The following RCAN3 variants were observed in gnomAD, a reference collection of about 807,000 sequenced individuals.
RCAN3 encodes the protein calcipressin-3.
In RCAN3, 19 loss-of-function variants were observed where a neutral mutation model predicts 21.9. The ratio of observed to expected loss-of-function variants is 0.87; its 90% CI spans 0.61 to 1.27. RCAN3 has a LOEUF of 1.27. Among genes scored for constraint, RCAN3 ranks in the 50% most tolerant of loss-of-function variants. RCAN3 has a pLI of 0.00. For missense variants in RCAN3, 240 were observed against 300.1 expected (o/e 0.80, Z 1.48); for synonymous variants, 114 against 112.3 (o/e 1.01, Z -0.09).
intron 2 of RCAN3, among the ~76,000 whole-genome samples, chr1:24,523,230 A>C (rs1325862545): frequency 1.3e-5 from 2 of 151,826 alleles, no homozygotes; most frequent in African/African-American, 2.4e-5. Context: ...CGCCCGGCTA[A>C]TTTTTTGTAT....
intron 1 of RCAN3, among the ~76,000 whole-genome samples, chr1:24,503,835 A>G (rs1647255574): frequency 6.6e-6 from 1 of 152,272 alleles, no homozygotes; most frequent in African/African-American, 2.4e-5. Context: ...GTTGGAAGCC[A>G]CCAAGTACAC....
intron 2 of RCAN3, among the ~76,000 whole-genome samples, chr1:24,523,648 A>ATTTT (rs1553151346): frequency 1.4e-5 from 2 of 139,706 alleles, no homozygotes; most frequent in African/African-American, 3.1e-5. Context: ...ACACATATAT[A>ATTTT]TTTTTTTTCT....
intron 1 of RCAN3, among the ~76,000 whole-genome samples, chr1:24,506,737 G>T (rs567674200): frequency 6.7e-6 from 1 of 149,928 alleles, no homozygotes; most frequent in South Asian, 2.1e-4. Flanking sequence ...AACAGGAAAT[G>T]AAGGTGTGAT....
At position 24,514,524 on chromosome 1, in the gene RCAN3, C is replaced by T. The variant is rs745688704; in HGVS notation, c.152C>T (p.Ala51Val). 2.5e-6 allele frequency: 4 copies of T among 1,614,040 alleles called. No homozygotes were observed. The highest frequency in any genetic ancestry group is 3.4e-6 in the Non-Finnish European group (4 of 1,180,008). ...DLSDLPTSLF[A>V]CSVHEAVFEA... ...AGTGATCTGCCTACCTCACTTTTTG[C>T]TTGCAGCGTCCATGAAGCAGTGTTT... The change falls in exon 2 of 5, where the codon GCT becomes GTT. Residue 51 changes from alanine to valine, a missense_variant. Transcript: ENST00000374395.
chr1:24,530,332 G>A (rs1649647303), intron 2 of RCAN3, among the ~76,000 whole-genome samples: 2 of 127,850 alleles, frequency 1.6e-5, no homozygotes, highest in Admixed American at 1.8e-4. Context: ...CTCATTCTGG[G>A]CAACAGAGTG....
upstream of RCAN3, chr1:24,502,819 C>G (rs1437457776): frequency 6.6e-6 from 1 of 150,528 alleles, no homozygotes; most frequent in African/African-American, 2.4e-5. Flanking sequence ...CCTGCGCCGC[C>G]GTGCGCGCGC....
rs56914359 is a variant in RCAN3 at position 24,530,356 on chromosome 1, C to CAAAAAAAAAAAA, written c.196-850_196-839dup. Among the ~76,000 whole-genome samples, 618 of 81,448 alleles carry CAAAAAAAAAAAA rather than the reference C, an allele frequency of 7.6e-3. 25 individuals carry two copies. Among genetic ancestry groups the CAAAAAAAAAAAA allele is most frequent in the Non-Finnish European group, 0.01 (429 of 41,902 alleles). 53.4% of individuals were successfully genotyped at this position (81,448 alleles called of 152,430 possible). On this transcript the variant is annotated intron_variant, in intron 2 of 4. Coordinates refer to ENST00000374395, the MANE Select transcript of RCAN3 (RefSeq NM_013441.4). ...GGCAACAGAGTGAGACTCTTATCTC[C>CAAAAAAAAAAAA]AAAAAAAAAAAAAAAAAAAAAAAGA...
intron 2 of RCAN3, among the ~76,000 whole-genome samples, chr1:24,518,265 A>G (rs1648501150): frequency 6.6e-6 from 1 of 152,222 alleles, no homozygotes; most frequent in African/African-American, 2.4e-5. Flanking sequence ...TAAATAACAC[A>G]GGTGCCATTA....
chr1:24,524,924 G>A (rs1649143916), intron 2 of RCAN3, among the ~76,000 whole-genome samples: 1 of 148,940 alleles, frequency 6.7e-6, no homozygotes, highest in African/African-American at 2.5e-5. Context: ...CCGCCTCCCA[G>A]GTTCAAGCAA....
intron 1 of RCAN3, among the ~76,000 whole-genome samples, chr1:24,503,467 A>G (rs1647231749): frequency 1.3e-5 from 2 of 152,204 alleles, no homozygotes; most frequent in African/African-American, 4.8e-5. Flanking sequence ...TGAAAAGCCG[A>G]CAGGCCCAGC....
In RCAN3 at chr1:24,536,277, TA is replaced by T. The variant is rs1193515499; in HGVS notation, c.*1002del. Reference sequence around the variant, plus strand: ...GAAGACCATTTGTAAATTGTCCATTTAACCATTTTTCAGCTTGCTTTGAAAC... The same window carrying T: ...GAAGACCATTTGTAAATTGTCCATTTACCATTTTTCAGCTTGCTTTGAAAC... On this transcript the variant is annotated 3_prime_UTR_variant, in exon 5 of 5. Transcript: ENST00000374395. The T allele has an allele frequency of 6.6e-6, 1 of 152,258 alleles. No individual in the cohort carries two copies. Among genetic ancestry groups the T allele is most frequent in the African/African-American group, 2.4e-5 (1 of 41,474 alleles). 9.4% of individuals were successfully genotyped at this position (152,258 alleles called of 1,614,324 possible).
intron 1 of RCAN3, among the ~76,000 whole-genome samples, chr1:24,510,969 G>A (rs1336764442): frequency 1.3e-5 from 2 of 152,074 alleles, no homozygotes; most frequent in South Asian, 2.1e-4. Flanking sequence ...GGAGAGAGTC[G>A]GGGAAATGGC....
At chr1:24,515,333 C>T (rs1176851218) in intron 2 of RCAN3, among the ~76,000 whole-genome samples, 5 of 151,938 alleles carry the variant, frequency 3.3e-5, no homozygotes, top group East Asian at 1.9e-4. Flanking sequence ...AAATTGTTCA[C>T]GTTTCTTGTA....
Position 24,505,476 on chromosome 1 carries a change from G to A in RCAN3, c.-60+2326G>A, listed in dbSNP as rs914106218. Among the ~76,000 whole-genome samples, 6 of 151,858 alleles carry A rather than the reference G, an allele frequency of 4.0e-5. No homozygotes were observed. The South Asian group carries it at 8.3e-4, about 21-fold the overall frequency. On this transcript the variant is annotated intron_variant, in intron 1 of 4. Coordinates refer to ENST00000374395, the MANE Select transcript of RCAN3 (RefSeq NM_013441.4). The stretch of plus-strand genomic sequence containing the variant: ...GAGCTCTGGCAGCCCGCCTGCCTCC[G>A]CCTCCCAAAGTGCTGGGATTACAGG...
intron 2 of RCAN3, among the ~76,000 whole-genome samples, chr1:24,520,566 G>A (rs1177813552): frequency 6.6e-6 from 1 of 151,518 alleles, no homozygotes; most frequent in African/African-American, 2.4e-5. Context: ...ATCATTCTCA[G>A]CAAACTATCG....
Position 24,535,238 on chromosome 1 carries a change from A to G in RCAN3, c.687A>G (p.Ala229=). The G allele has an allele frequency of 1.9e-6, 3 of 1,580,256 alleles. No homozygotes were observed. Among genetic ancestry groups the G allele is most frequent in the Non-Finnish European group, 2.6e-6 (3 of 1,168,592 alleles). ...CGAGGCGCCCCGACCCTCCGACCGC[A>G]GCGTTGAATGAGCCCCAGACCTTTG... ...AQTRRPDPPT[A]ALNEPQTFDC... Residue 229 remains alanine (A), a synonymous_variant, in exon 5 of 5, where the codon GCA becomes GCG. Coordinates refer to ENST00000374395, the MANE Select transcript of RCAN3 (RefSeq NM_013441.4).
In RCAN3 at chr1:24,538,187, G is replaced by C. The variant is rs1650331179; in HGVS notation, c.*2910G>C. 1 of 152,150 alleles carries C rather than the reference G, an allele frequency of 6.6e-6. No individual in the cohort carries two copies. Among genetic ancestry groups the C allele is most frequent in the Non-Finnish European group, 1.5e-5 (1 of 68,038 alleles). The allele number at this position is 152,150 out of a possible 1,614,324, so 9.4% of individuals were successfully genotyped here. On this transcript the variant is annotated 3_prime_UTR_variant, in exon 5 of 5. Transcript: ENST00000374395. Reference sequence around the variant, plus strand: ...AAGTGTTCCAGTGAGCATCTCTGAGGTTTAAGGTACTAAGAGGCAGAAGTG... The same window carrying C: ...AAGTGTTCCAGTGAGCATCTCTGAGCTTTAAGGTACTAAGAGGCAGAAGTG...
chr1:24,509,144 G>C (rs1647691796), intron 1 of RCAN3, among the ~76,000 whole-genome samples: 1 of 152,222 alleles, frequency 6.6e-6, no homozygotes, highest in South Asian at 2.1e-4. Flanking sequence ...CTGGGCAACA[G>C]AGTGAGACCC....
At chr1:24,533,349 C>A in intron 4 of RCAN3, 95 bp downstream of exon 4, 1 of 1,048,760 alleles carries the variant, frequency 9.5e-7, no homozygotes, top group Non-Finnish European at 1.3e-6. Context: ...ATGATTAGAG[C>A]AGAGGATAAA....
Sources: gnomAD v4.1 joint callset for allele counts (sites outside exome capture counted in the v4.1 genomes callset) on GRCh38, gnomAD v4.1.1 for gene constraint, MANE v1.5 for transcripts, NCBI Gene and HGNC (gene_info 2026-07-23, HGNC 2026-07-21) for gene names.